EXOC4: variants seen among roughly 807,000 people sequenced by gnomAD.
The protein encoded by EXOC4 is exocyst complex component 4.
Under a neutral mutation model 107.2 loss-of-function variants are expected in EXOC4, and 71 were observed. The observed-to-expected ratio is 0.66, with a 90% CI of 0.55 to 0.81. EXOC4 has a LOEUF of 0.81. Ranked by LOEUF, EXOC4 falls within the 30% of genes least tolerant of loss-of-function variation. The pLI is 0.00. For synonymous variants in EXOC4, 456 were observed against 441.2 expected, an observed-to-expected ratio of 1.03 and a Z score of -0.42; for missense variants, 1,108 against 1,189.6, an observed-to-expected ratio of 0.93 and a Z score of 1.01.
intron 10 of EXOC4, 149 bp downstream of exon 10, chr7:133,630,290 GT>G: frequency 1.7e-6 from 1 of 581,836 alleles, no homozygotes; most frequent in Non-Finnish European, 3.1e-6. Context: ...AAGTTAGTCA[GT>G]TTAGCAGATA....
intron 12 of EXOC4, among the ~76,000 whole-genome samples, chr7:133,915,265 C>T (rs1182510405): frequency 7.3e-6 from 1 of 136,188 alleles, no homozygotes; most frequent in Non-Finnish European, 1.6e-5. Context: ...TTCATTCATT[C>T]ATTTTTAAAA....
chr7:133,943,489 T>C (rs1214634126), intron 14 of EXOC4, among the ~76,000 whole-genome samples: 1 of 152,212 alleles, frequency 6.6e-6, no homozygotes, highest in African/African-American at 2.4e-5. Context: ...ATTAACCAGA[T>C]AATTACAGCA....
At chr7:133,356,637 C>T (rs955543911) in intron 6 of EXOC4, 64 bp downstream of exon 6, 40 of 1,559,784 alleles carry the variant, frequency 2.6e-5, no homozygotes, top group Non-Finnish European at 4.4e-6. Flanking sequence ...TAGGGTGGGG[C>T]GTAAGTAACT....
chr7:133,326,376 A>G (rs1465229374), intron 5 of EXOC4, among the ~76,000 whole-genome samples: 1 of 151,982 alleles, frequency 6.6e-6, no homozygotes, highest in Non-Finnish European at 1.5e-5. Flanking sequence ...TGACGTACAG[A>G]TGGGGTTTTG....
At chr7:133,535,496 A>G (rs915313118) in intron 9 of EXOC4, among the ~76,000 whole-genome samples, 1 of 152,202 alleles carries the variant, frequency 6.6e-6, no homozygotes, top group East Asian at 1.9e-4. Context: ...CAAGATAAGC[A>G]GTAATACTGG....
At chr7:133,894,259 A>G (rs369802054) in intron 11 of EXOC4, among the ~76,000 whole-genome samples, 1 of 73,956 alleles carries the variant, frequency 1.4e-5, no homozygotes, top group East Asian at 3.6e-4. Flanking sequence ...GTAGTTCTCG[A>G]GCCTTGGTTT....
chr7:133,466,036 T>C (rs1214066567), intron 7 of EXOC4, among the ~76,000 whole-genome samples: 1 of 150,994 alleles, frequency 6.6e-6, no homozygotes, highest in Non-Finnish European at 1.5e-5. Context: ...ACTCAGGAGG[T>C]TGAGGCAGGA....
At chr7:134,099,562 C>T in the EXOC4 span, among the ~76,000 whole-genome samples, 4 of 127,552 alleles carry the variant, frequency 3.1e-5, no homozygotes, top group Non-Finnish European at 4.8e-5. Context: ...GAGACAGTCT[C>T]GCTGTCACCC....
chr7:133,726,861 A>T (rs1356958222), intron 10 of EXOC4, among the ~76,000 whole-genome samples: 1 of 152,178 alleles, frequency 6.6e-6, no homozygotes, highest in Non-Finnish European at 1.5e-5. Context: ...GGTGCATGAC[A>T]CCATAGTGGA....
chr7:133,495,166 C>T (rs185445070), intron 9 of EXOC4, among the ~76,000 whole-genome samples: 3 of 151,676 alleles, frequency 2.0e-5, no homozygotes, highest in East Asian at 1.9e-4. Context: ...GCAGGAGAAT[C>T]GCTTGAGGCT....
At chr7:133,814,241 T>C (rs1042681344) in intron 10 of EXOC4, among the ~76,000 whole-genome samples, 1 of 152,166 alleles carries the variant, frequency 6.6e-6, no homozygotes, top group Non-Finnish European at 1.5e-5. Context: ...AATTGTTATA[T>C]AGAGGTTAGT....
chr7:133,832,157 T>G (rs1039469922), intron 11 of EXOC4, among the ~76,000 whole-genome samples: 2 of 152,238 alleles, frequency 1.3e-5, no homozygotes, highest in Admixed American at 6.5e-5. Context: ...TATTTTGCCT[T>G]TAGTCTTATG....
At chr7:133,990,268 TC>T (rs60183854) in intron 14 of EXOC4, among the ~76,000 whole-genome samples, 18,450 of 109,318 alleles carry the variant, frequency 0.17, 910 homozygotes, top group East Asian at 0.43. Context: ...AACTTTCCCC[TC>T]CCCCCCCCAC....
At chr7:133,556,095 G>T (rs1800684955) in intron 9 of EXOC4, among the ~76,000 whole-genome samples, 1 of 152,086 alleles carries the variant, frequency 6.6e-6, no homozygotes, top group African/African-American at 2.4e-5. Flanking sequence ...TCTTTATTGG[G>T]ACCTGACAGA....
intron 5 of EXOC4, among the ~76,000 whole-genome samples, chr7:133,355,786 G>C (rs770899542): frequency 6.6e-6 from 1 of 151,102 alleles, no homozygotes; most frequent in African/African-American, 2.4e-5. Context: ...ATACCTCTTC[G>C]TTACCCTATT....
intron 12 of EXOC4, among the ~76,000 whole-genome samples, chr7:133,907,412 A>C (rs1799591106): frequency 6.6e-6 from 1 of 152,142 alleles, no homozygotes; most frequent in Non-Finnish European, 1.5e-5. Context: ...GCTTCACATC[A>C]AGGTTATTTG....
At chr7:133,313,164 G>T (rs6947145) in intron 4 of EXOC4, among the ~76,000 whole-genome samples, 146,231 of 146,242 alleles carry the variant, frequency 1, 73,110 homozygotes, top group Middle Eastern at 1. Flanking sequence ...TTTCCCTCTT[G>T]GCTTAGATTT....
rs77677871 is a variant in EXOC4 at position 133,720,913 on chromosome 7, T to C, written c.1514+90772T>C. On this transcript the variant is annotated intron_variant, in intron 10 of 17. Coordinates refer to ENST00000253861, the MANE Select transcript of EXOC4 (RefSeq NM_021807.4). Reference sequence around the variant, plus strand: ...TGATAATTTTGAGAACAAAATCTTTTGAGCTAGGTTATAATATAGGAGCCT... The same window carrying C: ...TGATAATTTTGAGAACAAAATCTTTCGAGCTAGGTTATAATATAGGAGCCT... Among the ~76,000 whole-genome samples, 358 of 152,324 alleles carry C rather than the reference T, an allele frequency of 2.4e-3. 5 individuals carry two copies. The highest frequency in any genetic ancestry group is 8.0e-3 in the African/African-American group (334 of 41,580).
chr7:133,425,727 T>C (rs1797710741), intron 7 of EXOC4, among the ~76,000 whole-genome samples: 3 of 152,298 alleles, frequency 2.0e-5, no homozygotes, highest in Non-Finnish European at 4.4e-5. Context: ...TTACACCTTA[T>C]TCTCTCTCAG....
Sources: gnomAD v4.1 joint callset for allele counts (sites outside exome capture counted in the v4.1 genomes callset) on GRCh38, gnomAD v4.1.1 for gene constraint, MANE v1.5 for transcripts, NCBI Gene and HGNC (gene_info 2026-07-23, HGNC 2026-07-21) for gene names.